The following MSI2 variants were observed in gnomAD, a reference collection of about 807,000 sequenced individuals.
MSI2 encodes the protein musashi RNA binding protein 2.
MSI2 carries 17 observed loss-of-function variants against 45.6 expected under a neutral mutation model. The ratio of observed to expected loss-of-function variants is 0.37; its 90% CI spans 0.26 to 0.56. The LOEUF (loss-of-function observed/expected upper bound fraction) is 0.56, where lower values mean the gene tolerates loss of function less well. Among genes scored for constraint, MSI2 ranks in the 20% least tolerant of loss-of-function variants. The pLI, the probability that MSI2 is intolerant of heterozygous loss-of-function variation, is 0.77. For synonymous variants in MSI2, 156 were observed against 158.2 expected (o/e 0.99, Z 0.11); for missense variants, 293 against 444.2 (o/e 0.66, Z 3.06).
At chr17:57,456,392 G>A (rs548059200) in intron 6 of MSI2, among the ~76,000 whole-genome samples, 1 of 152,298 alleles carries the variant, frequency 6.6e-6, no homozygotes, top group African/African-American at 2.4e-5. Flanking sequence ...GGTGGATCAC[G>A]AGATCAGGAG....
intron 7 of MSI2, among the ~76,000 whole-genome samples, chr17:57,557,063 T>G (rs1375602953): frequency 2.0e-5 from 3 of 152,188 alleles, no homozygotes; most frequent in African/African-American, 7.2e-5. Flanking sequence ...TGGAGCCCAC[T>G]GTTGGGATCG....
intron 6 of MSI2, among the ~76,000 whole-genome samples, chr17:57,450,749 C>G (rs914393291): frequency 6.6e-6 from 1 of 151,388 alleles, no homozygotes; most frequent in Non-Finnish European, 1.5e-5. Flanking sequence ...CCTCCCCCCA[C>G]CTGCTGGCCA....
chr17:57,390,156 T>C (rs2083761735), intron 5 of MSI2, among the ~76,000 whole-genome samples: 1 of 151,784 alleles, frequency 6.6e-6, no homozygotes, highest in Admixed American at 6.6e-5. Flanking sequence ...CTCAGGAGGC[T>C]GAGATGGGAG....
rs1025535162 is a variant in MSI2 at position 57,627,457 on chromosome 17, G to A, written c.727+154G>A. 8 of 701,680 alleles carry A rather than the reference G, an allele frequency of 1.1e-5. No homozygotes were observed. The African/African-American group carries it at 1.4e-4, about 12-fold the overall frequency. 43.5% of individuals were successfully genotyped at this position (701,680 alleles called of 1,614,324 possible). Reference sequence around the variant, plus strand: ...AATTTCAAATCCACTGAAGTTCAAGGCCAGGATGCAGCTCAGAGTTTTTGA... The same window carrying A: ...AATTTCAAATCCACTGAAGTTCAAGACCAGGATGCAGCTCAGAGTTTTTGA... On this transcript the variant is annotated intron_variant, in intron 10 of 13. Coordinates refer to ENST00000284073, the MANE Select transcript of MSI2 (RefSeq NM_138962.4). This position sits in a 1 kb window ranked among gnomAD's most constrained non-coding sequence, Gnocchi z 4.6.
intron 5 of MSI2, among the ~76,000 whole-genome samples, chr17:57,289,407 G>A (rs1308133446): frequency 6.6e-6 from 1 of 151,978 alleles, no homozygotes; most frequent in African/African-American, 2.4e-5. Context: ...TCTCATCCCT[G>A]GCACACACAA....
intron 6 of MSI2, among the ~76,000 whole-genome samples, chr17:57,420,384 C>A (rs1047684834): frequency 1.3e-5 from 2 of 152,170 alleles, no homozygotes; most frequent in Admixed American, 1.3e-4. Flanking sequence ...TCCTTGCTCT[C>A]CCCCACTTTT....
At chr17:57,601,081 G>T (rs1270486994) in intron 8 of MSI2, 1 of 152,324 alleles carries the variant, frequency 6.6e-6, no homozygotes, top group African/African-American at 2.4e-5. Context: ...TAGCTGGGCT[G>T]CAGGCCCTCC....
rs141800326 is a variant in MSI2, at chr17:57,469,488, C to T, written c.406-60188C>T. On this transcript the variant is annotated intron_variant, in intron 6 of 13. Transcript: ENST00000284073. ...TGAGGGTGCCGAGTCAATGGTCTCC[C>T]GAGCAGGTTTTAGTTGATGGGGAGC... Among the ~76,000 whole-genome samples the T allele has an allele frequency of 3.3e-4, 51 of 152,240 alleles. 1 individual carries two copies. Among genetic ancestry groups the T allele is most frequent in the African/African-American group, 1.2e-3 (48 of 41,548 alleles).
intron 8 of MSI2, among the ~76,000 whole-genome samples, chr17:57,609,444 TAA>T (rs1907009119): frequency 6.6e-6 from 1 of 152,230 alleles, no homozygotes; most frequent in Non-Finnish European, 1.5e-5. Flanking sequence ...TCTGGAGGAC[TAA>T]ACAGTCTCAG....
At chr17:57,478,305 C>G (rs949560632) in intron 6 of MSI2, among the ~76,000 whole-genome samples, 6 of 152,222 alleles carry the variant, frequency 3.9e-5, no homozygotes, top group African/African-American at 1.4e-4. Flanking sequence ...GCCCCAGATT[C>G]AAGAATCCTG....
chr17:57,616,158 C>T, intron 9 of MSI2, 74 bp downstream of exon 9: 1 of 1,142,336 alleles, frequency 8.8e-7, no homozygotes, highest in East Asian at 2.4e-5. Context: ...ACTGGGTCAC[C>T]TACCAGTGGG....
chr17:57,649,778 G>A (rs1181775044), intron 10 of MSI2, among the ~76,000 whole-genome samples: 5 of 152,208 alleles, frequency 3.3e-5, no homozygotes, highest in Non-Finnish European at 5.9e-5. Flanking sequence ...AGCAGAAGGG[G>A]GCCAGGAGGA....
Position 57,650,487 on chromosome 17 carries a change from T to C in MSI2, c.728-1612T>C, listed in dbSNP as rs1020566119. ...TGGAAGAAATGGGGAGAGGACTTGG[T>C]TGGGGGTCCCTCCCTTGGTCTCCCT... is the stretch of plus-strand genomic sequence containing the variant. On this transcript the variant is annotated intron_variant, in intron 10 of 13. Coordinates refer to ENST00000284073, the MANE Select transcript of MSI2 (RefSeq NM_138962.4). Among the ~76,000 whole-genome samples, 3 of 152,136 alleles carry C rather than the reference T, an allele frequency of 2.0e-5. No individual in the cohort carries two copies. In the South Asian group the frequency reaches 6.2e-4, roughly 32 times the overall value.
At chr17:57,298,130 T>C (rs1348633720) in intron 5 of MSI2, among the ~76,000 whole-genome samples, 2 of 152,160 alleles carry the variant, frequency 1.3e-5, no homozygotes, top group African/African-American at 4.8e-5. Flanking sequence ...TTCCTTTCAC[T>C]ATGTCCAGAT....
At chr17:57,468,449 A>T (rs1252289188) in intron 6 of MSI2, among the ~76,000 whole-genome samples, 1 of 143,846 alleles carries the variant, frequency 7.0e-6, no homozygotes, top group East Asian at 2.1e-4. Flanking sequence ...TGAAACTGGG[A>T]GGCGGAGCTT....
At chr17:57,534,630 G>A (rs537768514) in intron 7 of MSI2, among the ~76,000 whole-genome samples, 375 of 152,242 alleles carry the variant, frequency 2.5e-3, no homozygotes, top group Non-Finnish European at 4.5e-3. Flanking sequence ...CAGGAGAATC[G>A]CTTGAACCCA....
At position 57,678,277 on chromosome 17, in the gene MSI2, C is replaced by A. The variant is rs138590737; in HGVS notation, c.*31+1218C>A. Reference sequence around the variant, plus strand: ...CAACTGCCTCTCTTAACCAAATAAACCATGTGTGTGAATTCTCCCACCCCT... The same window carrying A: ...CAACTGCCTCTCTTAACCAAATAAAACATGTGTGTGAATTCTCCCACCCCT... On this transcript the variant is annotated intron_variant, in intron 13 of 13. Coordinates refer to ENST00000284073, the MANE Select transcript of MSI2 (RefSeq NM_138962.4). Among the ~76,000 whole-genome samples, 395 of 152,326 alleles carry A rather than the reference C, an allele frequency of 2.6e-3. 1 individual carries two copies. Among genetic ancestry groups the A allele is most frequent in the Non-Finnish European group, 3.9e-3 (263 of 68,034 alleles).
At chr17:57,521,977 A>C (rs2086595319) in intron 6 of MSI2, among the ~76,000 whole-genome samples, 1 of 152,224 alleles carries the variant, frequency 6.6e-6, no homozygotes. Flanking sequence ...GAAAAGTCTT[A>C]TTTCAATAAA....
At chr17:57,310,164 T>A (rs573157599) in intron 5 of MSI2, among the ~76,000 whole-genome samples, 27 of 152,326 alleles carry the variant, frequency 1.8e-4, no homozygotes, top group African/African-American at 6.3e-4. Flanking sequence ...TTCTGTATCC[T>A]GGACTGAGAA....
Sources: gnomAD v4.1 joint callset for allele counts (sites outside exome capture counted in the v4.1 genomes callset) on GRCh38, gnomAD v4.1.1 for gene constraint, Gnocchi (gnomAD v3.1) non-coding constraint, MANE v1.5 for transcripts, NCBI Gene and HGNC (gene_info 2026-07-23, HGNC 2026-07-21) for gene names.